Variants in ZFHX4 observed in about 807,000 individuals in gnomAD.
ZFHX4 encodes zinc finger homeobox protein 4.
Under a neutral mutation model 267.6 loss-of-function variants are expected in ZFHX4, and 56 were observed. That is an observed-to-expected ratio of 0.21 (90% CI 0.17 to 0.26). ZFHX4 has a LOEUF of 0.26. ZFHX4 is among the 10% of genes least tolerant of loss of function. The pLI, the probability that ZFHX4 is intolerant of heterozygous loss-of-function variation, is 1.00. For synonymous variants in ZFHX4, 1,778 were observed against 1,665.6 expected, an observed-to-expected ratio of 1.07 and a Z score of -1.64; for missense variants, 4,332 against 4,420.0, an observed-to-expected ratio of 0.98 and a Z score of 0.56.
intron 3 of ZFHX4, among the ~76,000 whole-genome samples, chr8:76,723,188 T>C (rs1213890273): frequency 6.6e-6 from 1 of 152,106 alleles, no homozygotes; most frequent in Admixed American, 6.6e-5. Flanking sequence ...TGCTCACAGC[T>C]GAAAAATGAA....
intron 3 of ZFHX4, among the ~76,000 whole-genome samples, chr8:76,720,601 T>C (rs1008448263): frequency 3.3e-5 from 5 of 152,116 alleles, no homozygotes; most frequent in Non-Finnish European, 7.4e-5. Context: ...TGTTCTTAAT[T>C]TTTGCCTGAT....
At chr8:76,786,929 T>C (rs1396455530) in intron 4 of ZFHX4, among the ~76,000 whole-genome samples, 2 of 152,178 alleles carry the variant, frequency 1.3e-5, no homozygotes, top group Admixed American at 1.3e-4. Context: ...CATAGCATGA[T>C]TGCTGTCATT....
At chr8:76,708,816 C>T (rs186619026) in intron 3 of ZFHX4, among the ~76,000 whole-genome samples, 5,249 of 152,112 alleles carry the variant, frequency 0.035, 239 homozygotes, top group East Asian at 0.24. Context: ...ATATTTTCTG[C>T]AGTTTGTTCA....
At position 76,705,170 on chromosome 8, in the gene ZFHX4, G is replaced by T; in HGVS notation, c.1082G>T (p.Arg361Leu). The T allele has an allele frequency of 6.2e-7, 1 of 1,613,822 alleles. No individual in the cohort carries two copies. The highest frequency in any genetic ancestry group is 8.5e-7 in the Non-Finnish European group (1 of 1,179,892). Reference sequence around the variant, plus strand: ...CTCATAGGACCCGATCCAACCTTCCGCGGTTTATGGAGCGCTTTTCATGTT... The same window carrying T: ...CTCATAGGACCCGATCCAACCTTCCTCGGTTTATGGAGCGCTTTTCATGTT... ...TNLIGPDPTF[R>L]GLWSAFHVEN... The change falls in exon 2 of 11, where the codon CGC becomes CTC. Residue 361 changes from arginine to leucine, a missense_variant. By Grantham distance (102) the Arg-to-Leu change is moderately radical. Coordinates refer to ENST00000651372, the MANE Select transcript of ZFHX4 (RefSeq NM_024721.5).
chr8:76,694,664 C>T (rs1244112789), intron 1 of ZFHX4, among the ~76,000 whole-genome samples: 1 of 125,820 alleles, frequency 7.9e-6, no homozygotes, highest in Non-Finnish European at 1.7e-5. Flanking sequence ...CTCCTGCACC[C>T]GCCCCCCACC....
At chr8:76,709,967 A>G (rs1437092404) in intron 3 of ZFHX4, among the ~76,000 whole-genome samples, 1 of 152,134 alleles carries the variant, frequency 6.6e-6, no homozygotes, top group Non-Finnish European at 1.5e-5. Context: ...ATAACAACCA[A>G]TTAAGACAAA....
intron 1 of ZFHX4, chr8:76,682,534 G>T (rs1420526054): frequency 6.6e-6 from 1 of 152,436 alleles, no homozygotes; most frequent in East Asian, 1.9e-4. Flanking sequence ...GGGATCGCCC[G>T]GCCTCTGGGC....
intron 1 of ZFHX4, among the ~76,000 whole-genome samples, chr8:76,686,999 CG>C (rs959920715): frequency 3.3e-5 from 5 of 152,144 alleles, no homozygotes. Flanking sequence ...AACTGAGAAG[CG>C]CCCAGGGAAA....
At chr8:76,803,923 G>C (rs1441482847) in intron 4 of ZFHX4, among the ~76,000 whole-genome samples, 1 of 151,958 alleles carries the variant, frequency 6.6e-6, no homozygotes, top group Non-Finnish European at 1.5e-5. Flanking sequence ...AAAGTGATTT[G>C]CCCTAGATTT....
intron 3 of ZFHX4, among the ~76,000 whole-genome samples, chr8:76,712,737 A>G (rs972334260): frequency 1.3e-5 from 2 of 152,218 alleles, no homozygotes; most frequent in African/African-American, 4.8e-5. Context: ...CTTTTCTGTT[A>G]CTAAACATTA....
intron 4 of ZFHX4, among the ~76,000 whole-genome samples, chr8:76,814,074 T>TA (rs111801227): frequency 6.6e-5 from 10 of 151,984 alleles, no homozygotes; most frequent in Admixed American, 2.0e-4. Flanking sequence ...TTTTTTTATT[T>TA]AAAAAAAAGA....
chr8:76,752,563 AG>A (rs1166098492), intron 3 of ZFHX4, among the ~76,000 whole-genome samples: 1 of 151,472 alleles, frequency 6.6e-6, no homozygotes, highest in African/African-American at 2.4e-5. Context: ...CTCAGCTACT[AG>A]GAAAGCTGTG....
chr8:76,816,094 C>T lies in ZFHX4; in HGVS notation c.3326-17244C>T, dbSNP rs557813413. Among the ~76,000 whole-genome samples, 8 of 152,278 alleles carry T rather than the reference C, an allele frequency of 5.3e-5. No homozygotes were observed. The South Asian group carries it at 1.4e-3, about 28-fold the overall frequency. On this transcript the variant is annotated intron_variant, in intron 4 of 10. Coordinates refer to ENST00000651372, the MANE Select transcript of ZFHX4 (RefSeq NM_024721.5). ...CTAGGTCCACTCCCTCATTTTACAG[C>T]TGAGGAAGCAGAGGCTCCCTGTAGT...
At position 76,864,604 on chromosome 8, in the gene ZFHX4, TAAAAAAATA is replaced by T. The variant is rs1812980503; in HGVS notation, c.*47_*55del. 1 of 1,259,234 alleles carries T rather than the reference TAAAAAAATA, an allele frequency of 7.9e-7. No homozygotes were observed. Among genetic ancestry groups the T allele is most frequent in the Non-Finnish European group, 1.0e-6 (1 of 978,672 alleles). The allele number at this position is 1,259,234 out of a possible 1,614,324, so 78.0% of individuals were successfully genotyped here. A position where few individuals can be genotyped will look rare whatever the true frequency, so the allele number is the denominator to read the frequency against. On this transcript the variant is annotated 3_prime_UTR_variant, in exon 11 of 11. Coordinates refer to ENST00000651372, the MANE Select transcript of ZFHX4 (RefSeq NM_024721.5). ...ATCCCGTGCTTAAAAAAATAAAAAA[TAAAAAAATA>T]AAAAAAAAATAAGACTTTAACTGCA...
intron 6 of ZFHX4, among the ~76,000 whole-genome samples, chr8:76,847,358 T>G (rs902751931): frequency 1.3e-5 from 2 of 152,144 alleles, no homozygotes; most frequent in South Asian, 4.1e-4. Flanking sequence ...AATGAAACTT[T>G]CCAGTCTTTC....
At chr8:76,819,014 T>C (rs959792081) in intron 4 of ZFHX4, among the ~76,000 whole-genome samples, 9 of 152,046 alleles carry the variant, frequency 5.9e-5, no homozygotes, top group African/African-American at 2.2e-4. Context: ...TTGGTGACTA[T>C]AGAAAACTTC....
chr8:76,838,041 C>T (rs543138200), intron 5 of ZFHX4, among the ~76,000 whole-genome samples: 13 of 152,026 alleles, frequency 8.6e-5, no homozygotes, highest in Non-Finnish European at 1.9e-4. Flanking sequence ...GATGTTGAAA[C>T]TGATATTTCC....
At chr8:76,740,292 A>C (rs1585898377) in intron 3 of ZFHX4, among the ~76,000 whole-genome samples, 1 of 151,814 alleles carries the variant, frequency 6.6e-6, no homozygotes, top group East Asian at 1.9e-4. Flanking sequence ...GGAAGAAAGG[A>C]GTAGGAGATA....
chr8:76,850,158 G>A, intron 8 of ZFHX4, 87 bp from the exon 9 acceptor site: 1 of 1,055,850 alleles, frequency 9.5e-7, no homozygotes, highest in Non-Finnish European at 1.4e-6. Context: ...ACAAATGTAA[G>A]TGGGATATGC....
Sources: gnomAD v4.1 joint callset for allele counts (sites outside exome capture counted in the v4.1 genomes callset) on GRCh38, gnomAD v4.1.1 for gene constraint, MANE v1.5 for transcripts, NCBI Gene and HGNC (gene_info 2026-07-23, HGNC 2026-07-21) for gene names.